Variants in ABCA12 observed in about 807,000 individuals in gnomAD.
ABCA12 encodes ATP binding cassette subfamily A member 12.
ABCA12 carries 156 observed loss-of-function variants against 293.5 expected under a neutral mutation model. The ratio of observed to expected loss-of-function variants is 0.53; its 90% CI spans 0.47 to 0.61. The LOEUF (loss-of-function observed/expected upper bound fraction) is 0.61. Ranked by LOEUF, ABCA12 falls within the 20% of genes least tolerant of loss-of-function variation. The pLI, the probability that ABCA12 is intolerant of heterozygous loss-of-function variation, is 0.00. For synonymous variants in ABCA12, 1,063 were observed against 1,108.0 expected (o/e 0.96, Z 0.81); for missense variants, 2,797 against 3,090.2 (o/e 0.91, Z 2.25).
chr2:215,107,338 G>T (rs913244231), intron 2 of ABCA12, among the ~76,000 whole-genome samples: 6 of 152,194 alleles, frequency 3.9e-5, no homozygotes, highest in African/African-American at 1.4e-4. Flanking sequence ...CCTAAGCAGT[G>T]TTTTTTGGCT....
Position 214,948,713 on chromosome 2 carries a change from G to T in ABCA12, c.6987C>A (p.His2329Gln). 1 of 1,614,126 alleles carries T rather than the reference G, an allele frequency of 6.2e-7. No individual in the cohort carries two copies. Among genetic ancestry groups the T allele is most frequent in the Non-Finnish European group, 8.5e-7 (1 of 1,180,004 alleles). The part of the protein sequence containing the change: ...KTGSLGHVDS[H>Q]SSLVGYCPQE... The stretch of plus-strand genomic sequence containing the variant: ...GAGGACAGTAGCCAACTAATGAGCT[G>T]TGAGAATCAACGTGACCCAGAGATC... Residue 2329 changes from histidine (H) to glutamine (Q), a missense_variant, in exon 47 of 53, where the codon CAC (histidine) becomes CAA (glutamine). By Grantham distance (24) the His-to-Gln change is conservative (BLOSUM62 0). Coordinates refer to ENST00000272895, the MANE Select transcript of ABCA12 (RefSeq NM_173076.3).
chr2:215,017,520 G>A (rs1217171344), intron 14 of ABCA12: 2 of 156,414 alleles, frequency 1.3e-5, no homozygotes, highest in Non-Finnish European at 2.8e-5. Context: ...TTAGTTGCAA[G>A]CAATAGTAAG....
chr2:214,974,855 G>C lies in ABCA12; in HGVS notation c.5391C>G (p.His1797Gln), dbSNP rs1699474983. 6.2e-7 allele frequency: 1 copy of C among 1,613,770 alleles called. No individual in the cohort carries two copies. The highest frequency in any genetic ancestry group is 1.3e-5 in the African/African-American group (1 of 74,906). Residue 1797 changes from histidine to glutamine, a missense_variant, in exon 35 of 53, where the codon CAC (histidine) becomes CAG (glutamine). Physicochemically the swap from His to Gln is conservative, Grantham distance 24. Around this residue, in one of 3 missense-constraint regions of ABCA12, gnomAD observed 2,130 missense variants for 2,427.0 expected, o/e 0.88. Transcript: ENST00000272895. ...SEQTAFYANY[H>Q]PSTEALVSAM... Reference sequence around the variant, plus strand: ...CTGAGACAAGTGCTTCCGTGCTCGGGTGATAATTACTGCAATATGAAAGGA... The same window carrying C: ...CTGAGACAAGTGCTTCCGTGCTCGGCTGATAATTACTGCAATATGAAAGGA...
At chr2:214,999,660 A>G in intron 22 of ABCA12, 2 of 283,796 alleles carry the variant, frequency 7.0e-6, no homozygotes, top group Non-Finnish European at 1.1e-5. Context: ...AACTTCATTG[A>G]CCCCATAGAT....
At chr2:215,058,378 T>G (rs575970712) in intron 3 of ABCA12, among the ~76,000 whole-genome samples, 56 of 152,132 alleles carry the variant, frequency 3.7e-4, no homozygotes, top group Middle Eastern at 6.8e-3. Flanking sequence ...TGAGAAACCC[T>G]GTGCAATGAC....
intron 39 of ABCA12, chr2:214,960,720 C>T (rs923835737): frequency 3.9e-5 from 6 of 151,934 alleles, no homozygotes; most frequent in Non-Finnish European, 7.4e-5. Flanking sequence ...TAGATGCTTC[C>T]CATGGACCAC....
chr2:215,102,658 T>G (rs1244178380), intron 2 of ABCA12, among the ~76,000 whole-genome samples: 1 of 152,178 alleles, frequency 6.6e-6, no homozygotes, highest in East Asian at 1.9e-4. Flanking sequence ...TATCTTTCAG[T>G]ACTCAACAAG....
intron 3 of ABCA12, among the ~76,000 whole-genome samples, chr2:215,059,802 A>G (rs1701492474): frequency 6.6e-6 from 1 of 152,020 alleles, no homozygotes; most frequent in South Asian, 2.1e-4. Context: ...GCAACACTGC[A>G]AGGAAATGTG....
Position 215,001,627 on chromosome 2 carries a change from C to T in ABCA12, c.2794G>A (p.Ala932Thr). The T allele has an allele frequency of 2.5e-6, 4 of 1,613,724 alleles. No individual in the cohort carries two copies. Among genetic ancestry groups the T allele is most frequent in the Non-Finnish European group, 3.4e-6 (4 of 1,179,824 alleles). The stretch of plus-strand genomic sequence containing the variant: ...TCCATTTCATCTATGGTTTTTGCTG[C>T]CTGAATACGGTCATATAATACACAA... ...SSCVLYDRIQ[A>T]AKTIDEMERE... Residue 932 changes from alanine to threonine, a missense_variant, in exon 21 of 53, where the codon GCA becomes ACA. By Grantham distance (58) the Ala-to-Thr change is moderately conservative. This residue lies in a region of ABCA12 where 2,130 missense variants were observed against 2,427.0 expected (regional missense o/e 0.88). Transcript: ENST00000272895.
intron 46 of ABCA12, 113 bp downstream of exon 46, chr2:214,948,927 C>T: frequency 1.7e-6 from 2 of 1,155,176 alleles, no homozygotes. Context: ...TAGCTTTGTT[C>T]TCCCCTAAGG....
chr2:214,969,416 CTAAA>C (rs1265438205), intron 37 of ABCA12, among the ~76,000 whole-genome samples: 1 of 151,986 alleles, frequency 6.6e-6, no homozygotes, highest in Non-Finnish European at 1.5e-5. Flanking sequence ...TAAGGACAGA[CTAAA>C]TAAATAATGG....
At chr2:214,956,907 T>TA (rs1698968962) in intron 41 of ABCA12, 129 bp from the exon 42 acceptor site, 4 of 674,440 alleles carry the variant, frequency 5.9e-6, no homozygotes, top group Non-Finnish European at 1.1e-5. Flanking sequence ...GAATTCTTAT[T>TA]TATGTTCCCA....
chr2:215,128,237 C>A (rs7609168), intron 1 of ABCA12, among the ~76,000 whole-genome samples: 5,823 of 152,224 alleles, frequency 0.038, 148 homozygotes, highest in African/African-American at 0.049. Context: ...AGACTCTTTC[C>A]TTCATCTTAA....
intron 2 of ABCA12, 104 bp downstream of exon 2, chr2:215,111,493 A>G: frequency 2.5e-6 from 2 of 812,730 alleles, no homozygotes; most frequent in Non-Finnish European, 4.2e-6. Flanking sequence ...AAGTGAAAAC[A>G]CTATACAAAA....
At chr2:214,962,665 G>C (rs573632795) in intron 39 of ABCA12, 1 of 152,018 alleles carries the variant, frequency 6.6e-6, no homozygotes, top group Non-Finnish European at 1.5e-5. Context: ...TCACATAATC[G>C]GAAGTAAAAC....
At chr2:214,949,420 G>T in intron 45 of ABCA12, among the ~76,000 whole-genome samples, 1 of 147,534 alleles carries the variant, frequency 6.8e-6, no homozygotes, top group Admixed American at 6.8e-5. Context: ...TATTTTACAT[G>T]TTATGTTATA....
In ABCA12 at chr2:215,000,964, T is replaced by C; in HGVS notation, c.2920A>G (p.Asn974Asp). The C allele has an allele frequency of 6.2e-7, 1 of 1,614,002 alleles. No homozygotes were observed. Among genetic ancestry groups the C allele is most frequent in the Non-Finnish European group, 8.5e-7 (1 of 1,179,940 alleles). The change falls in exon 22 of 53, where the codon AAT becomes GAT. Residue 974 changes from asparagine (N) to aspartate (D), a missense_variant. Asn to Asp is a conservative substitution (Grantham distance 23, BLOSUM62 1). This residue lies in a region of ABCA12 where 2,130 missense variants were observed against 2,427.0 expected (regional missense o/e 0.88). Transcript: ENST00000272895. Reference protein sequence around the residue: ...RSWHRGYDSGNVFLPPVIKYT... With the variant: ...RSWHRGYDSGDVFLPPVIKYT... ...TTTATGACAGGAGGAAGAAAGACAT[T>C]TCCAGAGTCATAGCCTCTGTGCCAG... is the stretch of plus-strand genomic sequence containing the variant.
intron 8 of ABCA12, among the ~76,000 whole-genome samples, chr2:215,033,139 G>T (rs577002349): frequency 6.6e-6 from 1 of 152,216 alleles, no homozygotes; most frequent in African/African-American, 2.4e-5. Flanking sequence ...GAATATTATT[G>T]CTCTAATAAC....
Position 214,991,048 on chromosome 2 carries a change from TG to T in ABCA12, c.3295-18del, listed in dbSNP as rs2105976919. On this transcript the variant is annotated intron_variant, in intron 23 of 52. Coordinates refer to ENST00000272895, the MANE Select transcript of ABCA12 (RefSeq NM_173076.3). The stretch of plus-strand genomic sequence containing the variant: ...CTTCATGTACTGTAAGAAGAAAAAA[TG>T]TGAGGCGCTTGTTATGCTGATATTC... 6.2e-7 allele frequency: 1 copy of T among 1,608,290 alleles called. No individual in the cohort carries two copies. Among genetic ancestry groups the T allele is most frequent in the East Asian group, 2.2e-5 (1 of 44,828 alleles).
Sources: allele counts gnomAD v4.1 joint callset (sites outside exome capture counted in the v4.1 genomes callset), GRCh38; gene constraint gnomAD v4.1.1; regional missense constraint gnomAD v4.1.1; transcripts MANE v1.5; gene names NCBI Gene and HGNC (gene_info 2026-07-23, HGNC 2026-07-21).